XKR6: variants seen among roughly 807,000 people sequenced by gnomAD.
The protein encoded by XKR6 is XK-related protein 6.
In XKR6, 22 loss-of-function variants were observed where a neutral mutation model predicts 56.7. That is an observed-to-expected ratio of 0.39 (90% CI 0.28 to 0.55). The LOEUF is 0.55. XKR6 is among the 20% of genes least tolerant of loss of function. XKR6 has a pLI of 0.66. For missense variants in XKR6, 852 were observed against 889.0 expected (o/e 0.96, Z 0.53); for synonymous variants, 524 against 387.8 (o/e 1.35, Z -4.13).
chr8:11,048,708 G>A (rs1443904510), intron 1 of XKR6, among the ~76,000 whole-genome samples: 2 of 152,184 alleles, frequency 1.3e-5, no homozygotes, highest in African/African-American at 4.8e-5. Flanking sequence ...GGACTCCGCA[G>A]GCCTCTGGTC....
chr8:11,144,697 C>A (rs533053944), intron 1 of XKR6, among the ~76,000 whole-genome samples: 2 of 152,156 alleles, frequency 1.3e-5, no homozygotes, highest in South Asian at 4.2e-4. Flanking sequence ...AGTAGCAAGC[C>A]GCCAAGCTCC....
intron 1 of XKR6, among the ~76,000 whole-genome samples, chr8:11,132,613 C>T (rs951893234): frequency 1.4e-4 from 22 of 152,064 alleles, no homozygotes; most frequent in Non-Finnish European, 1.5e-5. Context: ...CCACCCACCT[C>T]GATCTCCCAA....
intron 1 of XKR6, among the ~76,000 whole-genome samples, chr8:11,160,911 C>CAAAAAAAAAAAAAAAAAA (rs33931830): frequency 1.1e-4 from 7 of 63,780 alleles, no homozygotes; most frequent in African/African-American, 4.6e-4. Context: ...GACTCCGTCT[C>CAAAAAAAAAAAAAAAAAA]AAAAAAAAAA....
rs1293264913 is a variant in XKR6, at chr8:11,200,365, C to A, written c.764+211G>T. Among the ~76,000 whole-genome samples, 1 of 152,206 alleles carries A rather than the reference C, an allele frequency of 6.6e-6. No individual in the cohort carries two copies. Among genetic ancestry groups the A allele is most frequent in the Non-Finnish European group, 1.5e-5 (1 of 68,014 alleles). The stretch of plus-strand genomic sequence containing the variant: ...GTGCGAAGCGGGGACGAGGACGGGC[C>A]AACGGCAGGTCTCGGCCTCCCCGGG... On this transcript the variant is annotated intron_variant, in intron 1 of 2. Transcript: ENST00000416569. The surrounding 1 kb of genome is among the most constrained non-coding windows in gnomAD (Gnocchi z 6.4).
At chr8:10,911,488 TAGAG>T in intron 2 of XKR6, among the ~76,000 whole-genome samples, 2 of 146,856 alleles carry the variant, frequency 1.4e-5, no homozygotes, top group African/African-American at 5.0e-5. Flanking sequence ...TATATATATA[TAGAG>T]AGAGAGGGTG....
intron 1 of XKR6, chr8:11,105,076 C>A (rs1243859428): frequency 6.6e-6 from 1 of 152,140 alleles, no homozygotes; most frequent in East Asian, 1.9e-4. Flanking sequence ...TGTTCTTGGA[C>A]ACCCTGGTTA....
At chr8:11,167,371 G>A (rs1205483039) in intron 1 of XKR6, among the ~76,000 whole-genome samples, 1 of 152,208 alleles carries the variant, frequency 6.6e-6, no homozygotes. Flanking sequence ...ATAGGAACAA[G>A]TAGAACGCAT....
chr8:10,924,276 T>C (rs1039594196), intron 2 of XKR6, among the ~76,000 whole-genome samples: 5 of 152,244 alleles, frequency 3.3e-5, no homozygotes, highest in African/African-American at 1.2e-4. Flanking sequence ...CTCTGGTCTG[T>C]GGCTTCCCCT....
chr8:11,086,565 G>A (rs1797899969), intron 1 of XKR6, among the ~76,000 whole-genome samples: 1 of 152,326 alleles, frequency 6.6e-6, no homozygotes, highest in Middle Eastern at 3.4e-3. Flanking sequence ...AGACTGACAA[G>A]TGTAAAATGT....
At chr8:11,171,790 C>T (rs569123891) in intron 1 of XKR6, among the ~76,000 whole-genome samples, 1 of 151,828 alleles carries the variant, frequency 6.6e-6, no homozygotes, top group East Asian at 1.9e-4. Context: ...CAGTGACTCA[C>T]GCCTGTAATC....
intron 1 of XKR6, among the ~76,000 whole-genome samples, chr8:10,975,709 G>A (rs935968982): frequency 2.0e-5 from 3 of 152,220 alleles, no homozygotes; most frequent in African/African-American, 7.2e-5. Flanking sequence ...GGGGCTGGGA[G>A]GCCAGAATTC....
At chr8:11,119,691 T>C (rs1008791125) in intron 1 of XKR6, among the ~76,000 whole-genome samples, 5 of 152,194 alleles carry the variant, frequency 3.3e-5, no homozygotes, top group African/African-American at 1.2e-4. Flanking sequence ...ATTTTGAGCC[T>C]ATGTGTGTCT....
intron 1 of XKR6, among the ~76,000 whole-genome samples, chr8:10,939,047 TCCTGCTTCTCCCAGGA>T (rs1460661262): frequency 7.0e-4 from 107 of 152,282 alleles, no homozygotes; most frequent in African/African-American, 2.3e-3. Flanking sequence ...AAGGACCTTT[TCCTGCTTCTCCCAGGA>T]CCTGCTTCTC....
chr8:11,061,777 GAGA>G (rs1310832348), intron 1 of XKR6, among the ~76,000 whole-genome samples: 1 of 152,176 alleles, frequency 6.6e-6, no homozygotes, highest in Non-Finnish European at 1.5e-5. Flanking sequence ...CCCAAAGAAT[GAGA>G]AGAAGGAAGG....
chr8:11,187,963 C>A (rs1438911915), intron 1 of XKR6, among the ~76,000 whole-genome samples: 2 of 152,174 alleles, frequency 1.3e-5, no homozygotes, highest in African/African-American at 2.4e-5. Context: ...CTTCAACTGT[C>A]ATTGCTTTTG....
chr8:11,132,844 T>C (rs1206830865), intron 1 of XKR6, among the ~76,000 whole-genome samples: 1 of 137,934 alleles, frequency 7.2e-6, no homozygotes, highest in African/African-American at 3.0e-5. Context: ...TCACCTGTAA[T>C]GCTTTGTATG....
intron 1 of XKR6, among the ~76,000 whole-genome samples, chr8:10,942,708 G>A (rs544279815): frequency 2.0e-5 from 3 of 152,288 alleles, no homozygotes; most frequent in African/African-American, 4.8e-5. Flanking sequence ...GCTAGTTGCC[G>A]CCAAAGCACT....
rs1440961999 is a variant in XKR6, at chr8:11,078,469, G to T, written c.764+122107C>A. ...TGTGTTCCCCACTATTCCACGTGCT[G>T]CTGACCCCACGTGAGGCAAGGCTTC... On this transcript the variant is annotated intron_variant, in intron 1 of 2. Transcript: ENST00000416569. Among the ~76,000 whole-genome samples the T allele has an allele frequency of 3.9e-5, 6 of 152,188 alleles. No homozygotes were observed. The East Asian group carries it at 1.2e-3, about 29-fold the overall frequency.
intron 2 of XKR6, among the ~76,000 whole-genome samples, chr8:10,914,426 G>A (rs1800497927): frequency 6.6e-6 from 1 of 152,154 alleles, no homozygotes; most frequent in African/African-American, 2.4e-5. Context: ...AGATCTTTTG[G>A]AGATCATTTA....
Sources: gnomAD v4.1 joint callset for allele counts (sites outside exome capture counted in the v4.1 genomes callset) on GRCh38, gnomAD v4.1.1 for gene constraint, Gnocchi (gnomAD v3.1) non-coding constraint, MANE v1.5 for transcripts, NCBI Gene and HGNC (gene_info 2026-07-23, HGNC 2026-07-21) for gene names.